Variants in ITGAV observed in about 807,000 individuals in gnomAD.
ITGAV encodes integrin alpha-V.
In ITGAV, 76 loss-of-function variants were observed where a neutral mutation model predicts 143.8. The ratio of observed to expected loss-of-function variants is 0.53; its 90% confidence interval spans 0.44 to 0.64. The LOEUF (loss-of-function observed/expected upper bound fraction) is 0.64, where lower values mean the gene tolerates loss of function less well. ITGAV is among the 30% of genes least tolerant of loss of function. ITGAV has a pLI of 0.00. For missense variants in ITGAV, 1,193 were observed against 1,274.7 expected (o/e 0.94, Z 0.98); for synonymous variants, 453 against 446.7 (o/e 1.01, Z -0.18).
At chr2:186,673,293 C>T (rs1211380142) in intron 26 of ITGAV, among the ~76,000 whole-genome samples, 1 of 152,186 alleles carries the variant, frequency 6.6e-6, no homozygotes, top group Non-Finnish European at 1.5e-5. Context: ...ATCCTTAATA[C>T]AAGTAACAAA....
intron 5 of ITGAV, 123 bp downstream of exon 5, chr2:186,630,981 A>G: frequency 1.8e-6 from 1 of 542,114 alleles, no homozygotes; most frequent in Non-Finnish European, 3.3e-6. Context: ...GAAAACAGTT[A>G]ATAAAACGAT....
rs970556544 is a variant in ITGAV, at chr2:186,606,734, A to G, written c.316+4583A>G. On this transcript the variant is annotated intron_variant, in intron 2 of 29. Coordinates refer to ENST00000261023, the MANE Select transcript of ITGAV (RefSeq NM_002210.5). The stretch of plus-strand genomic sequence containing the variant: ...TTTCTCTCTTCTTTCCTTTACATCC[A>G]TGATTTTTGAATACATATTGTGTCT... 2.1e-4 allele frequency among the ~76,000 whole-genome samples: 32 copies of G among 151,976 alleles called. 2 individuals carry two copies. The highest frequency in any genetic ancestry group is 7.4e-5 in the Non-Finnish European group (5 of 68,000).
chr2:186,619,396 G>T (rs563517895), intron 2 of ITGAV, among the ~76,000 whole-genome samples: 1 of 152,054 alleles, frequency 6.6e-6, no homozygotes, highest in Non-Finnish European at 1.5e-5. Context: ...CTAGAGGCTG[G>T]GAAAGGTAGG....
At chr2:186,593,503 C>G (rs2105643428) in intron 1 of ITGAV, among the ~76,000 whole-genome samples, 1 of 151,620 alleles carries the variant, frequency 6.6e-6, no homozygotes, top group East Asian at 1.9e-4. Context: ...TGTTGTAAAA[C>G]TTACATAAAA....
At chr2:186,653,623 T>C (rs2105729234) in intron 15 of ITGAV, among the ~76,000 whole-genome samples, 1 of 152,356 alleles carries the variant, frequency 6.6e-6, no homozygotes, top group Non-Finnish European at 1.5e-5. Context: ...TTCATTTTTA[T>C]TGAACTGGCA....
At chr2:186,663,652 A>G in intron 18 of ITGAV, 116 bp from the exon 19 acceptor site, 2 of 656,138 alleles carry the variant, frequency 3.0e-6, no homozygotes, top group Non-Finnish European at 5.2e-6. Context: ...GCTGATGAGT[A>G]TCTGAAAATA....
intron 26 of ITGAV, among the ~76,000 whole-genome samples, chr2:186,674,883 A>G (rs898842942): frequency 1.3e-5 from 2 of 152,062 alleles, no homozygotes; most frequent in Non-Finnish European, 2.9e-5. Context: ...CTTGATTGCT[A>G]TTGTCTTATT....
intron 2 of ITGAV, among the ~76,000 whole-genome samples, chr2:186,607,687 A>G (rs1454298018): frequency 6.6e-6 from 1 of 152,234 alleles, no homozygotes; most frequent in Non-Finnish European, 1.5e-5. Context: ...GGATATTAAA[A>G]TGGAATATTA....
At chr2:186,664,802 A>G (rs1187941183) in intron 20 of ITGAV, among the ~76,000 whole-genome samples, 161 bp downstream of exon 20, 1 of 152,220 alleles carries the variant, frequency 6.6e-6, no homozygotes, top group African/African-American at 2.4e-5. Context: ...TTTAAGCCTA[A>G]TACTTTGCAT....
chr2:186,673,534 G>T (rs1199807205), intron 26 of ITGAV, among the ~76,000 whole-genome samples: 2 of 151,922 alleles, frequency 1.3e-5, no homozygotes, highest in Non-Finnish European at 2.9e-5. Context: ...CATGAACATG[G>T]TATGTCTTTC....
rs1409398124 is a variant in ITGAV, at chr2:186,654,609, C to A, written c.1506-41C>A. ...GGGTGATAATAAAAATATGTCTAAA[C>A]TGAATTATAGAATTTATGTATGTTT... On this transcript the variant is annotated intron_variant, in intron 15 of 29. Coordinates refer to ENST00000261023, the MANE Select transcript of ITGAV (RefSeq NM_002210.5). 42 of 1,024,766 alleles carry A rather than the reference C, an allele frequency of 4.1e-5. No homozygotes were observed. The East Asian group carries it at 9.6e-4, about 23-fold the overall frequency. The allele number at this position is 1,024,766 out of a possible 1,614,324, so 63.5% of individuals were successfully genotyped here.
Position 186,668,876 on chromosome 2 carries a change from A to G in ITGAV, c.2548A>G (p.Met850Val). 1 of 1,613,272 alleles carries G rather than the reference A, an allele frequency of 6.2e-7. No individual in the cohort carries two copies. The highest frequency in any genetic ancestry group is 8.5e-7 in the Non-Finnish European group (1 of 1,179,666). The stretch of plus-strand genomic sequence containing the variant: ...CCTTCATTATGATATTGATGGACCA[A>G]TGAACTGCACTTCAGATATGGAGAT... ...YILHYDIDGP[M>V]NCTSDMEINP... is the part of the protein sequence containing the mutation. The change falls in exon 25 of 30, where the codon ATG becomes GTG. Residue 850 changes from methionine (M) to valine (V), a missense_variant. By Grantham distance (21) the Met-to-Val change is conservative (BLOSUM62 1). Transcript: ENST00000261023.
chr2:186,675,963 C>A, intron 28 of ITGAV, 36 bp downstream of exon 28: 1 of 1,142,156 alleles, frequency 8.8e-7, no homozygotes, highest in Non-Finnish European at 1.3e-6. Flanking sequence ...AATAAATTTA[C>A]TCAATTCAAA....
At chr2:186,591,626 A>G (rs1440830679) in intron 1 of ITGAV, among the ~76,000 whole-genome samples, 1 of 152,176 alleles carries the variant, frequency 6.6e-6, no homozygotes, top group Non-Finnish European at 1.5e-5. Flanking sequence ...ACACATGCCT[A>G]ATTTGAGGGT....
intron 16 of ITGAV, among the ~76,000 whole-genome samples, chr2:186,655,842 G>A (rs1416184981): frequency 6.6e-6 from 1 of 152,186 alleles, no homozygotes; most frequent in East Asian, 1.9e-4. Flanking sequence ...GATGGTATGA[G>A]TACATATGAG....
chr2:186,669,640 T>G, intron 25 of ITGAV, 61 bp from the exon 26 acceptor site: 1 of 1,131,330 alleles, frequency 8.8e-7, no homozygotes, highest in Non-Finnish European at 1.3e-6. Context: ...TATATCAAAA[T>G]GCTGATGTAA....
chr2:186,630,515 A>G (rs541621578), intron 4 of ITGAV, among the ~76,000 whole-genome samples: 9 of 151,956 alleles, frequency 5.9e-5, no homozygotes, highest in Middle Eastern at 3.4e-3. Flanking sequence ...CTTTTTGTGG[A>G]TTGTGGTTAA....
chr2:186,621,719 T>C (rs1687530050), intron 2 of ITGAV, among the ~76,000 whole-genome samples: 1 of 152,234 alleles, frequency 6.6e-6, no homozygotes. Context: ...AATATAGTGA[T>C]GTTCGATCTA....
intron 20 of ITGAV, 30 bp from the exon 21 acceptor site, chr2:186,665,096 A>ATTTTT: frequency 3.9e-6 from 4 of 1,013,864 alleles, no homozygotes; most frequent in South Asian, 1.6e-5. Flanking sequence ...TTTCATATCC[A>ATTTTT]TTTTTTTTTT....
Sources: allele counts gnomAD v4.1 joint callset (sites outside exome capture counted in the v4.1 genomes callset), GRCh38; gene constraint gnomAD v4.1.1; transcripts MANE v1.5; gene names NCBI Gene and HGNC (gene_info 2026-07-23, HGNC 2026-07-21).